ADSS2: variants seen among roughly 807,000 people sequenced by gnomAD.
ADSS2 encodes adenylosuccinate synthetase isozyme 2.
Under a neutral mutation model 60.0 loss-of-function variants are expected in ADSS2, and 30 were observed. That is an observed-to-expected ratio of 0.50 (90% CI 0.37 to 0.68). The LOEUF is 0.68. Ranked by LOEUF, ADSS2 falls within the 30% of genes least tolerant of loss-of-function variation. The pLI, the probability that ADSS2 is intolerant of heterozygous loss-of-function variation, is 0.00. For synonymous variants in ADSS2, 187 were observed against 193.1 expected (o/e 0.97, Z 0.26); for missense variants, 373 against 554.8 (o/e 0.67, Z 3.29).
At chr1:244,434,633 GA>G (rs1330993566) in intron 3 of ADSS2, among the ~76,000 whole-genome samples, 1 of 152,084 alleles carries the variant, frequency 6.6e-6, no homozygotes, top group Non-Finnish European at 1.5e-5. Flanking sequence ...GTTAGTTTAG[GA>G]GATATAATAA....
chr1:244,435,780 C>G (rs546091659), intron 3 of ADSS2, among the ~76,000 whole-genome samples: 1 of 152,268 alleles, frequency 6.6e-6, no homozygotes, highest in Admixed American at 6.5e-5. Context: ...ACTTAACAGT[C>G]AAAAATATGA....
intron 11 of ADSS2, among the ~76,000 whole-genome samples, chr1:244,413,991 A>C (rs936044212): frequency 3.3e-5 from 5 of 152,176 alleles, no homozygotes; most frequent in African/African-American, 9.7e-5. Context: ...TAGATCCTGG[A>C]AACTGACTCA....
At chr1:244,435,305 T>C (rs1665068768) in intron 3 of ADSS2, among the ~76,000 whole-genome samples, 1 of 151,484 alleles carries the variant, frequency 6.6e-6, no homozygotes, top group African/African-American at 2.4e-5. Flanking sequence ...ACAGGTTGAG[T>C]CTCCTTTATT....
intron 4 of ADSS2, among the ~76,000 whole-genome samples, chr1:244,426,881 A>G (rs780067370): frequency 3.9e-5 from 6 of 152,062 alleles, no homozygotes; most frequent in Admixed American, 6.6e-5. Flanking sequence ...CATCGATTAC[A>G]TATTTCTATT....
At chr1:244,438,621 AAC>A (rs1665159937) in intron 1 of ADSS2, among the ~76,000 whole-genome samples, 1 of 152,198 alleles carries the variant, frequency 6.6e-6, no homozygotes, top group African/African-American at 2.4e-5. Context: ...ATACAATATT[AAC>A]ACACTTTTAA....
At chr1:244,439,004 A>G (rs1392785195) in intron 1 of ADSS2, among the ~76,000 whole-genome samples, 1 of 152,056 alleles carries the variant, frequency 6.6e-6, no homozygotes. Context: ...CTATATTTGT[A>G]TACCCATTAA....
At chr1:244,441,203 C>T (rs553043883) in intron 1 of ADSS2, among the ~76,000 whole-genome samples, 47 of 152,112 alleles carry the variant, frequency 3.1e-4, no homozygotes, top group Admixed American at 6.5e-4. Context: ...GGACTACAGG[C>T]GCCTGCCGCC....
chr1:244,408,579 G>C lies in ADSS2; in HGVS notation c.*1007C>G, dbSNP rs977875288. 4.7e-4 allele frequency: 71 copies of C among 152,148 alleles called. No individual in the cohort carries two copies. The highest frequency in any genetic ancestry group is 1.6e-3 in the African/African-American group (66 of 41,380). The allele number at this position is 152,148 out of a possible 1,614,324, so 9.4% of individuals were successfully genotyped here. A position where few individuals can be genotyped will look rare whatever the true frequency, so the allele number is the denominator to read the frequency against. ...GGCACCTAATTTAACATTTAAAATA[G>C]TTCATTAAAAGATAATCTACAAAAC... On this transcript the variant is annotated 3_prime_UTR_variant, in exon 13 of 13. Coordinates refer to ENST00000366535, the MANE Select transcript of ADSS2 (RefSeq NM_001126.5).
chr1:244,447,948 A>T (rs1263069794), intron 1 of ADSS2, among the ~76,000 whole-genome samples: 1 of 152,210 alleles, frequency 6.6e-6, no homozygotes, highest in Non-Finnish European at 1.5e-5. Context: ...CTCCCTTTTG[A>T]GAAAATTTAC....
At chr1:244,437,813 A>G in intron 1 of ADSS2, 45 bp from the exon 2 acceptor site, 2 of 1,357,086 alleles carry the variant, frequency 1.5e-6, no homozygotes, top group Admixed American at 1.7e-5. Context: ...GATAAATACT[A>G]CAAATAACCT....
chr1:244,445,944 T>G (rs1665373630), intron 1 of ADSS2, among the ~76,000 whole-genome samples: 2 of 152,214 alleles, frequency 1.3e-5, no homozygotes, highest in Non-Finnish European at 2.9e-5. Context: ...GTGTCTTATC[T>G]TTGTCCTTTT....
At chr1:244,413,731 A>C (rs900099468) in intron 11 of ADSS2, among the ~76,000 whole-genome samples, 2 of 152,190 alleles carry the variant, frequency 1.3e-5, no homozygotes, top group African/African-American at 4.8e-5. Flanking sequence ...ACCAGACCTC[A>C]GCTGCTACAC....
At chr1:244,437,641 C>A in intron 2 of ADSS2, 25 bp downstream of exon 2, 2 of 1,461,170 alleles carry the variant, frequency 1.4e-6, no homozygotes, top group Admixed American at 1.7e-5. Flanking sequence ...GGGGAATCTC[C>A]ATGCAGTTCA....
At chr1:244,433,262 AGT>A (rs1223735712) in intron 3 of ADSS2, among the ~76,000 whole-genome samples, 2 of 152,134 alleles carry the variant, frequency 1.3e-5, no homozygotes, top group Non-Finnish European at 2.9e-5. Context: ...AATCTCTAAA[AGT>A]GTTTTTACTG....
intron 1 of ADSS2, among the ~76,000 whole-genome samples, chr1:244,449,514 C>A (rs934184915): frequency 5.3e-5 from 8 of 152,176 alleles, no homozygotes; most frequent in African/African-American, 1.9e-4. Flanking sequence ...CTTCAACATT[C>A]CAATTTTATA....
At chr1:244,435,133 A>T (rs1665052966) in intron 3 of ADSS2, among the ~76,000 whole-genome samples, 2 of 131,148 alleles carry the variant, frequency 1.5e-5, no homozygotes, top group South Asian at 5.4e-4. Context: ...ACGCCACTGC[A>T]CTGCAGCCTG....
intron 4 of ADSS2, among the ~76,000 whole-genome samples, chr1:244,431,618 T>C (rs1407323841): frequency 6.6e-6 from 1 of 152,220 alleles, no homozygotes; most frequent in Non-Finnish European, 1.5e-5. Flanking sequence ...CAACAAATAT[T>C]AACATAAAAC....
chr1:244,436,907 A>C lies in ADSS2; in HGVS notation c.287-14T>G, dbSNP rs1488139433. The C allele has an allele frequency of 2.5e-6, 4 of 1,603,776 alleles. No individual in the cohort carries two copies. Among genetic ancestry groups the C allele is most frequent in the Non-Finnish European group, 3.4e-6 (4 of 1,172,196 alleles). ...CCACACCATTTCCTAAAGGAAAACC[A>C]ACAAATCCCAACGGTAAACATCTAT... On this transcript the variant is annotated splice_polypyrimidine_tract_variant and intron_variant, in intron 2 of 12. Coordinates refer to ENST00000366535, the MANE Select transcript of ADSS2 (RefSeq NM_001126.5).
chr1:244,409,973 C>T (rs1664375470), intron 12 of ADSS2, among the ~76,000 whole-genome samples: 1 of 152,168 alleles, frequency 6.6e-6, no homozygotes, highest in African/African-American at 2.4e-5. Flanking sequence ...CCAAGATAAG[C>T]ATCTTCAACA....
Sources: gnomAD v4.1 joint callset for allele counts (sites outside exome capture counted in the v4.1 genomes callset) on GRCh38, gnomAD v4.1.1 for gene constraint, MANE v1.5 for transcripts, NCBI Gene and HGNC (gene_info 2026-07-23, HGNC 2026-07-21) for gene names.